EBF1: variants seen among roughly 807,000 people sequenced by gnomAD.
EBF1 encodes the protein EBF transcription factor 1, also known as transcription factor COE1.
EBF1 carries 10 observed loss-of-function variants against 68.4 expected under a neutral mutation model. The ratio of observed to expected loss-of-function variants is 0.15; its 90% confidence interval spans 0.09 to 0.25. The LOEUF (loss-of-function observed/expected upper bound fraction) is 0.25, where lower values mean the gene tolerates loss of function less well. EBF1 is among the 10% of genes least tolerant of loss of function. EBF1 has a pLI of 1.00. For missense variants in EBF1, 509 were observed against 794.4 expected (o/e 0.64, Z 4.32); for synonymous variants, 298 against 299.8 (o/e 0.99, Z 0.06).
At chr5:159,087,143 A>G (rs1387595530) in intron 4 of EBF1, among the ~76,000 whole-genome samples, 3 of 151,696 alleles carry the variant, frequency 2.0e-5, no homozygotes, top group Non-Finnish European at 1.5e-5. Flanking sequence ...CAGCTTTAAT[A>G]TTTGTGATGT....
At chr5:159,029,838 C>T (rs1443383731) in intron 6 of EBF1, among the ~76,000 whole-genome samples, 1 of 151,878 alleles carries the variant, frequency 6.6e-6, no homozygotes, top group Non-Finnish European at 1.5e-5. Flanking sequence ...CCTGTAGTCC[C>T]AGCTACTCAG....
At chr5:158,936,357 C>G (rs1011323526) in intron 6 of EBF1, among the ~76,000 whole-genome samples, 1 of 152,148 alleles carries the variant, frequency 6.6e-6, no homozygotes, top group African/African-American at 2.4e-5. Flanking sequence ...CACCTGCCAC[C>G]TCTGTGACTT....
At chr5:158,838,462 C>T (rs1489385074) in intron 7 of EBF1, among the ~76,000 whole-genome samples, 4 of 116,586 alleles carry the variant, frequency 3.4e-5, no homozygotes, top group South Asian at 3.0e-4. Flanking sequence ...AAAAAAAAAA[C>T]GAAAGAAAAG....
At chr5:158,782,088 C>T (rs1049990358) in intron 9 of EBF1, among the ~76,000 whole-genome samples, 2 of 152,158 alleles carry the variant, frequency 1.3e-5, no homozygotes, top group African/African-American at 2.4e-5. Flanking sequence ...AACAGTTTTG[C>T]TTTCTCCATG....
chr5:158,702,962 ACTT>A (rs904931178), intron 15 of EBF1, among the ~76,000 whole-genome samples: 10 of 152,152 alleles, frequency 6.6e-5, no homozygotes, highest in Non-Finnish European at 1.5e-4. Flanking sequence ...TATGGATACT[ACTT>A]TTGTGAAATT....
At chr5:158,847,557 T>G (rs1791772944) in intron 6 of EBF1, among the ~76,000 whole-genome samples, 1 of 152,202 alleles carries the variant, frequency 6.6e-6, no homozygotes, top group African/African-American at 2.4e-5. Flanking sequence ...GAAAGAATTC[T>G]AAGTTCATGT....
At chr5:158,797,708 G>C (rs1779837000) in intron 8 of EBF1, among the ~76,000 whole-genome samples, 1 of 152,120 alleles carries the variant, frequency 6.6e-6, no homozygotes, top group African/African-American at 2.4e-5. Flanking sequence ...AAATAGAATG[G>C]GTTTGATTTT....
At position 158,799,551 on chromosome 5, in the gene EBF1, C is replaced by A. The variant is rs1780209052; in HGVS notation, c.779-3076G>T. 2.6e-5 allele frequency among the ~76,000 whole-genome samples: 4 copies of A among 152,316 alleles called. No homozygotes were observed. In the South Asian group the frequency reaches 8.3e-4, roughly 32 times the overall value. On this transcript the variant is annotated intron_variant, in intron 8 of 15. Coordinates refer to ENST00000313708, the MANE Select transcript of EBF1 (RefSeq NM_024007.5). ...TAATGCAATGTAGAAAACCCTGTGACCAGCAAAAGAGAATCAGGCCCAAGA... is the reference window on the plus strand; with the variant it reads ...TAATGCAATGTAGAAAACCCTGTGAACAGCAAAAGAGAATCAGGCCCAAGA...
intron 6 of EBF1, among the ~76,000 whole-genome samples, chr5:158,951,037 G>T (rs1815854273): frequency 6.6e-6 from 1 of 152,186 alleles, no homozygotes; most frequent in Non-Finnish European, 1.5e-5. Context: ...AATGAAAAAA[G>T]TTCAAGCCAA....
At chr5:158,890,138 G>T (rs189410471) in intron 6 of EBF1, among the ~76,000 whole-genome samples, 1 of 152,088 alleles carries the variant, frequency 6.6e-6, no homozygotes, top group Admixed American at 6.6e-5. Context: ...GTGAGAATGC[G>T]TAAAATGAAA....
intron 10 of EBF1, among the ~76,000 whole-genome samples, chr5:158,761,169 G>A (rs1462588421): frequency 6.6e-6 from 1 of 152,130 alleles, no homozygotes; most frequent in East Asian, 1.9e-4. Context: ...CTCAGTTAAA[G>A]GGCCAATGCA....
intron 6 of EBF1, among the ~76,000 whole-genome samples, chr5:159,010,362 G>T (rs578146559): frequency 6.6e-6 from 1 of 152,248 alleles, no homozygotes; most frequent in East Asian, 1.9e-4. Flanking sequence ...AACACCTTCA[G>T]TATATTACCT....
At chr5:159,021,061 G>A (rs1766585716) in intron 6 of EBF1, among the ~76,000 whole-genome samples, 2 of 152,102 alleles carry the variant, frequency 1.3e-5, no homozygotes, top group Non-Finnish European at 2.9e-5. Flanking sequence ...TGACAATACT[G>A]GAGTTATTAA....
chr5:159,078,196 A>T (rs1265654821), intron 5 of EBF1, among the ~76,000 whole-genome samples: 1 of 152,216 alleles, frequency 6.6e-6, no homozygotes, highest in Non-Finnish European at 1.5e-5. Context: ...TTGTTGCCAC[A>T]ATGCTCTTTC....
chr5:158,820,636 G>T (rs1452160657), intron 8 of EBF1, among the ~76,000 whole-genome samples: 2 of 145,244 alleles, frequency 1.4e-5, no homozygotes, highest in Non-Finnish European at 2.9e-5. Context: ...AAAGCCCCTT[G>T]CTGAAGGAAA....
At chr5:158,909,657 G>A (rs1805462963) in intron 6 of EBF1, among the ~76,000 whole-genome samples, 1 of 152,076 alleles carries the variant, frequency 6.6e-6, no homozygotes, top group Non-Finnish European at 1.5e-5. Context: ...AAGGAGGGGA[G>A]GCCGGGTGCG....
At chr5:159,001,422 C>A (rs1762524359) in intron 6 of EBF1, among the ~76,000 whole-genome samples, 1 of 152,132 alleles carries the variant, frequency 6.6e-6, no homozygotes, top group East Asian at 1.9e-4. Context: ...ATTGAAGAGA[C>A]TGGAATCTGT....
chr5:158,860,307 T>G (rs549791874), intron 6 of EBF1, among the ~76,000 whole-genome samples: 8 of 152,308 alleles, frequency 5.3e-5, no homozygotes, highest in East Asian at 1.9e-4. Context: ...AATCTAGTAC[T>G]TGCAAGACCC....
At chr5:158,804,194 G>T (rs1004437167) in intron 8 of EBF1, among the ~76,000 whole-genome samples, 3 of 151,718 alleles carry the variant, frequency 2.0e-5, no homozygotes, top group Non-Finnish European at 4.4e-5. Context: ...AAATTCACAG[G>T]CACTATTTGG....
Sources: gnomAD v4.1 joint callset for allele counts (sites outside exome capture counted in the v4.1 genomes callset) on GRCh38, gnomAD v4.1.1 for gene constraint, MANE v1.5 for transcripts, NCBI Gene and HGNC (gene_info 2026-07-23, HGNC 2026-07-21) for gene names.